ANKS1B: variants seen among roughly 807,000 people sequenced by gnomAD.
ANKS1B encodes ankyrin repeat and sterile alpha motif domain-containing protein 1B.
ANKS1B carries 36 observed loss-of-function variants against 148.3 expected under a neutral mutation model. That is an observed-to-expected ratio of 0.24 (90% CI 0.19 to 0.32). The LOEUF (loss-of-function observed/expected upper bound fraction) is 0.32. Among genes scored for constraint, ANKS1B ranks in the 10% least tolerant of loss-of-function variants. The pLI, the probability that ANKS1B is intolerant of heterozygous loss-of-function variation, is 1.00. For synonymous variants in ANKS1B, 542 were observed against 560.8 expected (o/e 0.97, Z 0.47); for missense variants, 1,157 against 1,542.6 (o/e 0.75, Z 4.19).
intron 12 of ANKS1B, among the ~76,000 whole-genome samples, chr12:99,371,294 TACACA>T: frequency 6.6e-6 from 1 of 152,252 alleles, no homozygotes; most frequent in East Asian, 1.9e-4. Flanking sequence ...ATGTTGTCTC[TACACA>T]TGCCGCACCA....
chr12:98,993,006 G>A (rs1598159664), intron 17 of ANKS1B, among the ~76,000 whole-genome samples: 1 of 152,176 alleles, frequency 6.6e-6, no homozygotes. Context: ...TTGTTTTGAA[G>A]CCTTGGGCCT....
At chr12:99,977,378 G>A (rs1429735913) in intron 1 of ANKS1B, among the ~76,000 whole-genome samples, 1 of 151,986 alleles carries the variant, frequency 6.6e-6, no homozygotes, top group Non-Finnish European at 1.5e-5. Context: ...TTGAACCCCT[G>A]GCCTCAAGTG....
intron 14 of ANKS1B, among the ~76,000 whole-genome samples, chr12:99,223,455 C>G (rs1435664804): frequency 1.3e-5 from 2 of 152,064 alleles, no homozygotes; most frequent in Admixed American, 1.3e-4. Flanking sequence ...TTTCCTGCAA[C>G]TAGATGGTCC....
chr12:99,238,893 C>T (rs1384280204), intron 14 of ANKS1B, among the ~76,000 whole-genome samples: 1 of 152,132 alleles, frequency 6.6e-6, no homozygotes, highest in African/African-American at 2.4e-5. Context: ...GACATCCACA[C>T]CAAAACCCCA....
intron 17 of ANKS1B, among the ~76,000 whole-genome samples, chr12:98,843,107 A>C (rs1479316217): frequency 2.0e-5 from 3 of 152,238 alleles, no homozygotes; most frequent in African/African-American, 7.2e-5. Context: ...CTAAGCACCA[A>C]ATTAATCACA....
chr12:99,862,613 G>A (rs1295261140), intron 1 of ANKS1B, among the ~76,000 whole-genome samples: 4 of 152,190 alleles, frequency 2.6e-5, no homozygotes, highest in African/African-American at 9.7e-5. Context: ...TAAATACTAC[G>A]AATGCTATTC....
At chr12:99,131,887 G>C (rs1221966676) in intron 15 of ANKS1B, among the ~76,000 whole-genome samples, 1 of 152,110 alleles carries the variant, frequency 6.6e-6, no homozygotes, top group Admixed American at 6.6e-5. Flanking sequence ...GCCGGGTGCT[G>C]GGCTGCTCTC....
At chr12:99,233,993 G>A (rs1228441394) in intron 14 of ANKS1B, among the ~76,000 whole-genome samples, 1 of 152,068 alleles carries the variant, frequency 6.6e-6, no homozygotes. Context: ...GAATCCAAAT[G>A]TAATGTTGAC....
intron 1 of ANKS1B, among the ~76,000 whole-genome samples, chr12:99,973,196 G>A (rs75119191): frequency 6.6e-6 from 1 of 152,202 alleles, no homozygotes; most frequent in Admixed American, 6.5e-5. Flanking sequence ...AGAGATTGAG[G>A]AGTAATTTTG....
intron 12 of ANKS1B, among the ~76,000 whole-genome samples, chr12:99,397,865 C>T (rs2094296061): frequency 6.6e-6 from 1 of 152,004 alleles, no homozygotes; most frequent in East Asian, 1.9e-4. Flanking sequence ...ATGGGAAGGC[C>T]TCTATGAGGA....
chr12:99,410,435 C>T (rs1248495825), intron 11 of ANKS1B, among the ~76,000 whole-genome samples: 2 of 152,080 alleles, frequency 1.3e-5, no homozygotes, highest in Non-Finnish European at 2.9e-5. Context: ...TTTGGGAGGC[C>T]GAGGTGGGCG....
At chr12:99,772,079 T>C (rs7965358) in intron 8 of ANKS1B, among the ~76,000 whole-genome samples, 68,062 of 151,978 alleles carry the variant, frequency 0.45, 15,650 homozygotes, top group South Asian at 0.61. Flanking sequence ...AATACCAGTA[T>C]ATACTATAAG....
At chr12:99,073,140 T>C (rs188960489) in intron 16 of ANKS1B, among the ~76,000 whole-genome samples, 179 of 152,298 alleles carry the variant, frequency 1.2e-3, no homozygotes, top group Admixed American at 5.2e-3. Flanking sequence ...TTTACAAATA[T>C]TGACCCATTT....
At chr12:99,894,975 T>C (rs1215191299) in intron 1 of ANKS1B, among the ~76,000 whole-genome samples, 1 of 150,830 alleles carries the variant, frequency 6.6e-6, no homozygotes, top group Non-Finnish European at 1.5e-5. Flanking sequence ...CAGTTTACAA[T>C]GGGTTTATCA....
intron 14 of ANKS1B, among the ~76,000 whole-genome samples, chr12:99,218,353 T>C (rs1446795469): frequency 1.3e-5 from 2 of 152,222 alleles, no homozygotes; most frequent in Non-Finnish European, 2.9e-5. Flanking sequence ...CAGTGTTTTA[T>C]GGAAAATATC....
At chr12:98,894,220 C>G (rs937636692) in intron 17 of ANKS1B, among the ~76,000 whole-genome samples, 1 of 152,156 alleles carries the variant, frequency 6.6e-6, no homozygotes, top group Non-Finnish European at 1.5e-5. Flanking sequence ...CACAGCGCAC[C>G]TGGAAATTAC....
intron 15 of ANKS1B, chr12:99,099,805 G>A (rs1320767852): frequency 1.3e-5 from 2 of 152,078 alleles, no homozygotes; most frequent in African/African-American, 2.4e-5. Context: ...ACATTAAATA[G>A]TAAACAAAAA....
chr12:99,235,832 G>A (rs2087801184), intron 14 of ANKS1B, among the ~76,000 whole-genome samples: 1 of 152,146 alleles, frequency 6.6e-6, no homozygotes, highest in African/African-American at 2.4e-5. Flanking sequence ...CTTCTCACTT[G>A]TTCCAACATA....
At chr12:99,011,196 C>A (rs563493402) in intron 17 of ANKS1B, among the ~76,000 whole-genome samples, 2 of 152,082 alleles carry the variant, frequency 1.3e-5, no homozygotes, top group African/African-American at 4.8e-5. Context: ...AGGAAACTGG[C>A]CCACAGAAAC....
Sources: gnomAD v4.1 joint callset for allele counts (sites outside exome capture counted in the v4.1 genomes callset) on GRCh38, gnomAD v4.1.1 for gene constraint, MANE v1.5 for transcripts, NCBI Gene and HGNC (gene_info 2026-07-23, HGNC 2026-07-21) for gene names.